Variants in ITGAM observed in about 807,000 individuals in gnomAD.
ITGAM encodes the protein integrin subunit alpha M.
A neutral mutation model predicts 137.5 loss-of-function variants in ITGAM; 79 were observed. The observed-to-expected ratio is 0.57, with a 90% CI of 0.48 to 0.69. ITGAM has a LOEUF of 0.69. ITGAM is among the 30% of genes least tolerant of loss of function. The probability of loss-of-function intolerance (pLI) is 0.00; values close to 1 mark genes in which losing one functional copy is unlikely to be tolerated. For synonymous variants in ITGAM, 583 were observed against 592.3 expected (o/e 0.98, Z 0.23); for missense variants, 1,343 against 1,483.5 (o/e 0.91, Z 1.56).
chr16:31,314,756 A>T (rs888671909), intron 14 of ITGAM, among the ~76,000 whole-genome samples: 2 of 151,032 alleles, frequency 1.3e-5, no homozygotes, highest in African/African-American at 4.9e-5. Flanking sequence ...TTTTCACAAG[A>T]TCAGCTACAG....
At position 31,331,907 on chromosome 16, in the gene ITGAM, G is replaced by C. The variant is rs1312260695; in HGVS notation, c.*200G>C. On this transcript the variant is annotated 3_prime_UTR_variant, in exon 30 of 30. Coordinates refer to ENST00000544665, the MANE Select transcript of ITGAM (RefSeq NM_000632.4). Reference sequence around the variant, plus strand: ...CAAGTGTGTGCACATGTGTGCGTGTGCGTGCATGTGCACTTGCACGCCCAT... The same window carrying C: ...CAAGTGTGTGCACATGTGTGCGTGTCCGTGCATGTGCACTTGCACGCCCAT... The C allele has an allele frequency of 1.8e-6, 1 of 569,700 alleles. No individual in the cohort carries two copies. The highest frequency in any genetic ancestry group is 1.9e-5 in the African/African-American group (1 of 52,130). 35.3% of individuals were successfully genotyped at this position (569,700 alleles called of 1,614,324 possible).
chr16:31,297,751 C>G lies in ITGAM; in HGVS notation c.1504C>G (p.Arg502Gly). Residue 502 changes from arginine (R) to glycine (G), a missense_variant, in exon 14 of 30, where the codon CGG becomes GGG. Transcript: ENST00000544665. ...TACTGTTTGTGTTTAGCAGAGGGCTCGGTGGCAGTGTGATGCTGTTCTCTA... is the reference window on the plus strand; with the variant it reads ...TACTGTTTGTGTTTAGCAGAGGGCTGGGTGGCAGTGTGATGCTGTTCTCTA... ...SVCPLPRGRA[R>G]WQCDAVLYGE... 1 of 1,595,176 alleles carries G rather than the reference C, an allele frequency of 6.3e-7. No individual in the cohort carries two copies. Among genetic ancestry groups the G allele is most frequent in the East Asian group, 2.2e-5 (1 of 44,720 alleles).
chr16:31,273,358 T>C lies in ITGAM; in HGVS notation c.705-7T>C. The C allele has an allele frequency of 6.2e-7, 1 of 1,611,726 alleles. No individual in the cohort carries two copies. Among genetic ancestry groups the C allele is most frequent in the Non-Finnish European group, 8.5e-7 (1 of 1,178,796 alleles). ...ATTTGACTTTGTCCCTCCTGTTTCC[T>C]GCACAGACGAGAGCTGTTTAACATC... On this transcript the variant is annotated splice_region_variant and splice_polypyrimidine_tract_variant and intron_variant, in intron 7 of 29. Coordinates refer to ENST00000544665, the MANE Select transcript of ITGAM (RefSeq NM_000632.4).
At chr16:31,268,860 C>G (rs2079798741) in intron 5 of ITGAM, among the ~76,000 whole-genome samples, 1 of 152,128 alleles carries the variant, frequency 6.6e-6, no homozygotes, top group African/African-American at 2.4e-5. Flanking sequence ...CAGTAGGAGT[C>G]TCAACTGGGA....
chr16:31,286,640 A>G (rs960664945), intron 12 of ITGAM, among the ~76,000 whole-genome samples: 15 of 152,132 alleles, frequency 9.9e-5, no homozygotes, highest in African/African-American at 3.6e-4. Flanking sequence ...GGCTACTTGT[A>G]TGTCTTCCTT....
chr16:31,321,733 C>A, intron 16 of ITGAM, 106 bp downstream of exon 16: 1 of 1,161,540 alleles, frequency 8.6e-7, no homozygotes. Context: ...TGAGTTCTCA[C>A]AGGCTCTGAC....
intron 12 of ITGAM, among the ~76,000 whole-genome samples, chr16:31,288,594 T>A (rs1452780693): frequency 1.3e-5 from 2 of 152,064 alleles, no homozygotes; most frequent in African/African-American, 4.8e-5. Flanking sequence ...TTACACCTTA[T>A]ACAAAAATTA....
intron 26 of ITGAM, 28 bp from the exon 27 acceptor site, chr16:31,330,280 C>G: frequency 1.3e-6 from 2 of 1,596,344 alleles, no homozygotes; most frequent in Non-Finnish European, 1.7e-6. Flanking sequence ...GCTTCCTTAC[C>G]CGTCCCCTCC....
At chr16:31,329,145 G>T (rs924849436) in intron 23 of ITGAM, 83 bp from the exon 24 acceptor site, 1 of 843,516 alleles carries the variant, frequency 1.2e-6, no homozygotes, top group Non-Finnish European at 2.0e-6. Context: ...GTGCCTGTTC[G>T]CTCCTTACAC....
At chr16:31,328,431 T>C (rs764486064) in intron 23 of ITGAM, among the ~76,000 whole-genome samples, 3 of 151,680 alleles carry the variant, frequency 2.0e-5, no homozygotes, top group Non-Finnish European at 4.4e-5. Context: ...CATGGACGTG[T>C]ATTTGTGCAT....
chr16:31,306,993 T>C (rs34594027), intron 14 of ITGAM, among the ~76,000 whole-genome samples: 60,677 of 152,018 alleles, frequency 0.4, 16,340 homozygotes, highest in African/African-American at 0.77. Context: ...AGACTAAAAG[T>C]TGTGTCACAA....
Position 31,302,458 on chromosome 16 carries a change from C to CTTTCTTT in ITGAM, c.1707+4504_1707+4505insTTTCTTT, listed in dbSNP as rs1567268024. Among the ~76,000 whole-genome samples, 321 of 111,106 alleles carry CTTTCTTT rather than the reference C, an allele frequency of 2.9e-3. 3 individuals carry two copies. The highest frequency in any genetic ancestry group is 8.8e-3 in the Middle Eastern group (2 of 228). 72.9% of individuals were successfully genotyped at this position (111,106 alleles called of 152,430 possible). A position where few individuals can be genotyped will look rare whatever the true frequency, so the allele number is the denominator to read the frequency against. ...TTCTTTCTTTCTTTCTTTCTTCCTT[C>CTTTCTTT]CTTTCTTTCTTTCTTTCTTTCTTTC... On this transcript the variant is annotated intron_variant, in intron 14 of 29. Coordinates refer to ENST00000544665, the MANE Select transcript of ITGAM (RefSeq NM_000632.4).
intron 14 of ITGAM, among the ~76,000 whole-genome samples, chr16:31,304,119 A>C (rs2080242667): frequency 6.6e-6 from 1 of 152,116 alleles, no homozygotes; most frequent in South Asian, 2.1e-4. Context: ...CATCCATGCC[A>C]GATCTATTGT....
chr16:31,264,213 G>A (rs1222012687), intron 2 of ITGAM, among the ~76,000 whole-genome samples: 6 of 151,990 alleles, frequency 3.9e-5, no homozygotes, highest in Admixed American at 6.6e-5. Context: ...TTGGGAGGCC[G>A]AGCTGGGCTG....
At chr16:31,326,384 G>A (rs1040957533) in intron 21 of ITGAM, among the ~76,000 whole-genome samples, 1 of 152,108 alleles carries the variant, frequency 6.6e-6, no homozygotes, top group Non-Finnish European at 1.5e-5. Flanking sequence ...GTATATGTCA[G>A]TACCTCATTG....
chr16:31,296,270 A>G (rs1419668200), intron 12 of ITGAM, among the ~76,000 whole-genome samples: 1 of 92,214 alleles, frequency 1.1e-5, no homozygotes, highest in Non-Finnish European at 2.4e-5. Flanking sequence ...ATGCCCTGCT[A>G]ATTTTTTTTT....
chr16:31,324,248 A>AAAGG lies in ITGAM; in HGVS notation c.2003-136_2003-133dup, dbSNP rs903775163. On this transcript the variant is annotated intron_variant, in intron 16 of 29. Coordinates refer to ENST00000544665, the MANE Select transcript of ITGAM (RefSeq NM_000632.4). This position sits in a 1 kb window ranked among gnomAD's most constrained non-coding sequence, Gnocchi z 4.5. The stretch of plus-strand genomic sequence containing the variant: ...AGCGAGGAAAGAAAGAAAGAAAGAA[A>AAAGG]AAGGAAGGAAGGAAGGAAAGAAGAC... 2.8e-5 allele frequency: 16 copies of AAAGG among 571,750 alleles called. No homozygotes were observed. The highest frequency in any genetic ancestry group is 8.4e-5 in the East Asian group (3 of 35,534). The allele number at this position is 571,750 out of a possible 1,614,324, so 35.4% of individuals were successfully genotyped here.
chr16:31,285,740 C>G (rs2080021988), intron 12 of ITGAM, among the ~76,000 whole-genome samples: 1 of 152,014 alleles, frequency 6.6e-6, no homozygotes, highest in African/African-American at 2.4e-5. Flanking sequence ...TCCCATCACC[C>G]AGGTAGTGAG....
chr16:31,265,173 T>A (rs367560690), intron 2 of ITGAM, among the ~76,000 whole-genome samples: 9 of 152,334 alleles, frequency 5.9e-5, no homozygotes, highest in African/African-American at 1.9e-4. Flanking sequence ...TGGTCCTATT[T>A]TTAAATGACT....
Sources: gnomAD v4.1 joint callset for allele counts (sites outside exome capture counted in the v4.1 genomes callset) on GRCh38, gnomAD v4.1.1 for gene constraint, Gnocchi (gnomAD v3.1) non-coding constraint, MANE v1.5 for transcripts, NCBI Gene and HGNC (gene_info 2026-07-23, HGNC 2026-07-21) for gene names.